DPP10: variants seen among roughly 807,000 people sequenced by gnomAD.
The protein encoded by DPP10 is inactive dipeptidyl peptidase 10.
DPP10 carries 33 observed loss-of-function variants against 120.9 expected under a neutral mutation model. The observed-to-expected ratio is 0.27, with a 90% CI of 0.21 to 0.37. The LOEUF (loss-of-function observed/expected upper bound fraction) is 0.37, where lower values mean the gene tolerates loss of function less well. Ranked by LOEUF, DPP10 falls within the 10% of genes least tolerant of loss-of-function variation. The pLI, the probability that DPP10 is intolerant of heterozygous loss-of-function variation, is 1.00. For missense variants in DPP10, 816 were observed against 942.8 expected (o/e 0.87, Z 1.76); for synonymous variants, 337 against 326.1 (o/e 1.03, Z -0.36).
intron 1 of DPP10, among the ~76,000 whole-genome samples, chr2:114,799,221 A>G (rs1683978276): frequency 2.0e-5 from 3 of 152,194 alleles, no homozygotes; most frequent in South Asian, 4.1e-4. Context: ...GGATTGCATT[A>G]TCTCTCCTTC....
chr2:115,601,681 C>A (rs1264070925), intron 5 of DPP10, among the ~76,000 whole-genome samples: 1 of 152,030 alleles, frequency 6.6e-6, no homozygotes, highest in Non-Finnish European at 1.5e-5. Context: ...GTATCACTTT[C>A]TTTTTTTAAA....
At chr2:115,301,548 A>G (rs1314442041) in intron 1 of DPP10, among the ~76,000 whole-genome samples, 1 of 147,734 alleles carries the variant, frequency 6.8e-6, no homozygotes, top group African/African-American at 2.5e-5. Flanking sequence ...GAAATGTCCT[A>G]CCTTTTTCAC....
chr2:115,809,035 A>G (rs1163606659), intron 19 of DPP10, among the ~76,000 whole-genome samples: 1 of 152,194 alleles, frequency 6.6e-6, no homozygotes, highest in East Asian at 1.9e-4. Flanking sequence ...GATTATCTTA[A>G]CAATATCCCT....
At chr2:114,557,159 C>T (rs1163552134) in intron 1 of DPP10, among the ~76,000 whole-genome samples, 7 of 152,010 alleles carry the variant, frequency 4.6e-5, no homozygotes, top group Non-Finnish European at 1.5e-5. Flanking sequence ...CTTCCTTTTT[C>T]TCTCTAGTAG....
intron 5 of DPP10, among the ~76,000 whole-genome samples, chr2:115,674,208 A>C (rs1054981219): frequency 6.6e-6 from 1 of 151,974 alleles, no homozygotes; most frequent in Non-Finnish European, 1.5e-5. Flanking sequence ...CTGGGCAACA[A>C]GAACAAAACT....
At chr2:114,844,714 T>C (rs796691084) in intron 1 of DPP10, among the ~76,000 whole-genome samples, 26 of 152,132 alleles carry the variant, frequency 1.7e-4, no homozygotes, top group African/African-American at 5.8e-4. Context: ...TATTCCTTTT[T>C]TTTCTCCTAG....
At chr2:114,515,196 C>T (rs1221871481) in intron 1 of DPP10, among the ~76,000 whole-genome samples, 1 of 152,180 alleles carries the variant, frequency 6.6e-6, no homozygotes, top group Non-Finnish European at 1.5e-5. Context: ...TACAACCGTA[C>T]CATTTTATCA....
rs2085122484 is a variant in DPP10, at chr2:115,623,455, C to G, written c.442-66232C>G. Reference sequence around the variant, plus strand: ...TGATTGGTGTTATATTTCAATTTATCAATTTATTCATATTTATTTAACAAG... The same window carrying G: ...TGATTGGTGTTATATTTCAATTTATGAATTTATTCATATTTATTTAACAAG... On this transcript the variant is annotated intron_variant, in intron 5 of 25. Coordinates refer to ENST00000410059, the MANE Select transcript of DPP10 (RefSeq NM_020868.6). 3.3e-5 allele frequency among the ~76,000 whole-genome samples: 5 copies of G among 152,088 alleles called. No individual in the cohort carries two copies. The South Asian group carries it at 1.0e-3, about 32-fold the overall frequency.
At chr2:115,508,940 A>G (rs2077087664) in intron 4 of DPP10, among the ~76,000 whole-genome samples, 1 of 152,136 alleles carries the variant, frequency 6.6e-6, no homozygotes, top group South Asian at 2.1e-4. Context: ...ATGACTGCAG[A>G]TAAGTTGACT....
rs530040567 is a variant in DPP10, at chr2:115,517,771, A to G, written c.367-8127A>G. 5.3e-5 allele frequency among the ~76,000 whole-genome samples: 8 copies of G among 152,306 alleles called. No homozygotes were observed. In the South Asian group the frequency reaches 8.3e-4, roughly 16 times the overall value. ...AGAGAAAATGATAAGGATAGAGTAG[A>G]TATCTGTCTTATCTATTAATTCATA... On this transcript the variant is annotated intron_variant, in intron 4 of 25. Coordinates refer to ENST00000410059, the MANE Select transcript of DPP10 (RefSeq NM_020868.6).
intron 1 of DPP10, among the ~76,000 whole-genome samples, chr2:115,143,533 A>T (rs2051043769): frequency 1.3e-5 from 2 of 152,226 alleles, no homozygotes; most frequent in Admixed American, 1.3e-4. Flanking sequence ...ACTATCCAAG[A>T]TGTAGCATAA....
chr2:115,502,697 T>G (rs145872678), intron 4 of DPP10, among the ~76,000 whole-genome samples: 82 of 152,160 alleles, frequency 5.4e-4, no homozygotes, highest in African/African-American at 1.9e-3. Flanking sequence ...ATATGTATCT[T>G]TTTTGTTTTT....
intron 3 of DPP10, among the ~76,000 whole-genome samples, chr2:115,495,981 A>G (rs1396472978): frequency 6.6e-6 from 1 of 152,112 alleles, no homozygotes; most frequent in East Asian, 1.9e-4. Context: ...GATCTGATTC[A>G]CTCATATTTG....
chr2:115,170,955 C>T (rs563009538), intron 1 of DPP10, among the ~76,000 whole-genome samples: 37 of 152,302 alleles, frequency 2.4e-4, no homozygotes, highest in Non-Finnish European at 4.9e-4. Context: ...CTCGTTCCTT[C>T]ATCTCTCTTT....
intron 1 of DPP10, among the ~76,000 whole-genome samples, chr2:115,228,179 T>C (rs190710626): frequency 3.9e-5 from 6 of 152,126 alleles, no homozygotes; most frequent in Non-Finnish European, 8.8e-5. Context: ...ACTACTGGGC[T>C]CAAGTGGTCT....
At chr2:114,588,686 C>T (rs1326611853) in intron 1 of DPP10, among the ~76,000 whole-genome samples, 1 of 152,024 alleles carries the variant, frequency 6.6e-6, no homozygotes, top group Non-Finnish European at 1.5e-5. Flanking sequence ...TTGCAATTAT[C>T]ATAATCATAT....
chr2:115,247,891 G>T (rs936312753), intron 1 of DPP10, among the ~76,000 whole-genome samples: 1 of 152,096 alleles, frequency 6.6e-6, no homozygotes, highest in African/African-American at 2.4e-5. Context: ...CTAGCTAATG[G>T]TGGCTGTATA....
chr2:114,902,045 G>C (rs971161176), intron 1 of DPP10, among the ~76,000 whole-genome samples: 1 of 152,128 alleles, frequency 6.6e-6, no homozygotes, highest in African/African-American at 2.4e-5. Context: ...GAGAAAGTCA[G>C]TCAAAACTTA....
chr2:115,162,560 G>A (rs1002581067), intron 1 of DPP10, among the ~76,000 whole-genome samples: 2 of 152,108 alleles, frequency 1.3e-5, no homozygotes, highest in Non-Finnish European at 2.9e-5. Flanking sequence ...AGGTGGGGAT[G>A]GGGGAAGAGT....
Sources: allele counts gnomAD v4.1 joint callset (sites outside exome capture counted in the v4.1 genomes callset), GRCh38; gene constraint gnomAD v4.1.1; transcripts MANE v1.5; gene names NCBI Gene and HGNC (gene_info 2026-07-23, HGNC 2026-07-21).